Variants in RASAL2 observed in about 807,000 individuals in gnomAD.
RASAL2 encodes RAS protein activator like 2.
Under a neutral mutation model 128.9 loss-of-function variants are expected in RASAL2, and 58 were observed. The ratio of observed to expected loss-of-function variants is 0.45; its 90% CI spans 0.36 to 0.56. The LOEUF (loss-of-function observed/expected upper bound fraction) is 0.56. RASAL2 is among the 20% of genes least tolerant of loss of function. RASAL2 has a pLI of 0.00. For missense variants in RASAL2, 1,360 were observed against 1,601.6 expected, an observed-to-expected ratio of 0.85 and a Z score of 2.57; for synonymous variants, 561 against 580.8, an observed-to-expected ratio of 0.97 and a Z score of 0.49.
chr1:178,429,238 A>G (rs1417045505), intron 5 of RASAL2, among the ~76,000 whole-genome samples: 2 of 151,864 alleles, frequency 1.3e-5, no homozygotes, highest in Non-Finnish European at 2.9e-5. Context: ...TGCCCTAACA[A>G]CCTCTAGGAC....
intron 1 of RASAL2, among the ~76,000 whole-genome samples, chr1:178,202,251 A>T (rs961779153): frequency 1.3e-5 from 2 of 152,186 alleles, no homozygotes; most frequent in Non-Finnish European, 2.9e-5. Context: ...TGAAGGCACA[A>T]GTAAGTTACA....
chr1:178,098,040 T>A (rs1362738251), intron 1 of RASAL2, among the ~76,000 whole-genome samples: 8 of 152,246 alleles, frequency 5.3e-5, no homozygotes, highest in Non-Finnish European at 1.5e-5. Flanking sequence ...TCTGTCCTAA[T>A]CTTCATTTCC....
intron 1 of RASAL2, among the ~76,000 whole-genome samples, chr1:178,105,829 C>G (rs112490502): frequency 0.013 from 2,048 of 152,002 alleles, 47 homozygotes; most frequent in African/African-American, 0.046. Flanking sequence ...TGCACCACTG[C>G]GCCCAGCTAG....
intron 1 of RASAL2, among the ~76,000 whole-genome samples, chr1:178,253,203 C>CA (rs1235104963): frequency 3.9e-5 from 6 of 152,090 alleles, no homozygotes; most frequent in Non-Finnish European, 7.4e-5. Context: ...TCTCCGGTGT[C>CA]ACATGGCTGC....
intron 1 of RASAL2, among the ~76,000 whole-genome samples, chr1:178,226,712 C>T (rs190753996): frequency 4.6e-5 from 7 of 152,192 alleles, no homozygotes; most frequent in Admixed American, 6.5e-5. Flanking sequence ...TTTGGGCGGC[C>T]GAGGCAGGCA....
intron 1 of RASAL2, among the ~76,000 whole-genome samples, chr1:178,107,103 A>G (rs530510263): frequency 1.3e-5 from 2 of 152,248 alleles, no homozygotes; most frequent in Admixed American, 6.5e-5. Context: ...ATTAAACATG[A>G]TAAGTCATTT....
intron 3 of RASAL2, among the ~76,000 whole-genome samples, chr1:178,349,153 G>A (rs1275427375): frequency 2.6e-5 from 4 of 151,072 alleles, no homozygotes; most frequent in South Asian, 2.1e-4. Context: ...GGACGCCGTG[G>A]CTCACGCCTG....
At chr1:178,212,587 G>A (rs938923360) in intron 1 of RASAL2, among the ~76,000 whole-genome samples, 7 of 152,082 alleles carry the variant, frequency 4.6e-5, no homozygotes, top group African/African-American at 1.7e-4. Context: ...CGCCTCCTGG[G>A]TTCAAGCCAT....
At chr1:178,449,711 TA>T (rs1196947066) in intron 9 of RASAL2, among the ~76,000 whole-genome samples, 1 of 152,124 alleles carries the variant, frequency 6.6e-6, no homozygotes, top group Admixed American at 6.6e-5. Context: ...TTTCAACAGT[TA>T]AAGTATTATT....
chr1:178,371,353 A>ACACACACAC (rs59882717), intron 3 of RASAL2, among the ~76,000 whole-genome samples: 2 of 109,690 alleles, frequency 1.8e-5, no homozygotes, highest in Admixed American at 1.7e-4. Context: ...CACACACACA[A>ACACACACAC]ATACACACAC....
chr1:178,251,173 T>C (rs1665036917), intron 1 of RASAL2, among the ~76,000 whole-genome samples: 1 of 152,158 alleles, frequency 6.6e-6, no homozygotes, highest in African/African-American at 2.4e-5. Context: ...AATCTAGCCA[T>C]CTAAAGCTAG....
At chr1:178,095,817 A>G (rs1247634758) in intron 1 of RASAL2, among the ~76,000 whole-genome samples, 3 of 152,160 alleles carry the variant, frequency 2.0e-5, no homozygotes, top group African/African-American at 7.2e-5. Flanking sequence ...CTACCACTAA[A>G]TGGCTATGGG....
In RASAL2 at chr1:178,196,342, A is replaced by T. The variant is rs143832428; in HGVS notation, c.203-87222A>T. Among the ~76,000 whole-genome samples the T allele has an allele frequency of 3.3e-3, 505 of 152,330 alleles. 4 individuals are homozygous for T. The highest frequency in any genetic ancestry group is 0.012 in the African/African-American group (489 of 41,580). On this transcript the variant is annotated intron_variant, in intron 1 of 17. Transcript: ENST00000367649. ...AGGTACAAAGTGAGAAGATATTTGC[A>T]ACATGTAAAACAAAAGATTAAAATT...
chr1:178,360,763 G>A (rs1438499629), intron 3 of RASAL2, among the ~76,000 whole-genome samples: 1 of 152,220 alleles, frequency 6.6e-6, no homozygotes, highest in Non-Finnish European at 1.5e-5. Flanking sequence ...TCTGAGGGCT[G>A]TGAGAACGAA....
chr1:178,472,195 T>C (rs1034256473), intron 17 of RASAL2, among the ~76,000 whole-genome samples: 2 of 152,252 alleles, frequency 1.3e-5, no homozygotes, highest in African/African-American at 4.8e-5. Context: ...AAAAAAATTT[T>C]AGATAGTCCT....
rs569755524 is a variant in RASAL2 at position 178,228,315 on chromosome 1, C to T, written c.203-55249C>T. 7.9e-5 allele frequency among the ~76,000 whole-genome samples: 12 copies of T among 152,246 alleles called. No homozygotes were observed. The East Asian group carries it at 2.3e-3, about 29-fold the overall frequency. ...AAAAATTGTGGGCCGGGTGCGGTGGCTTATGCCTGTAATCCCAGCACTTTA... is the reference window on the plus strand; with the variant it reads ...AAAAATTGTGGGCCGGGTGCGGTGGTTTATGCCTGTAATCCCAGCACTTTA... On this transcript the variant is annotated intron_variant, in intron 1 of 17. Coordinates refer to ENST00000367649, the MANE Select transcript of RASAL2 (RefSeq NM_170692.4).
intron 1 of RASAL2, among the ~76,000 whole-genome samples, chr1:178,118,870 G>A (rs199687187): frequency 7.2e-6 from 1 of 138,070 alleles, no homozygotes; most frequent in Non-Finnish European, 1.6e-5. Flanking sequence ...TTTTTTTTTT[G>A]TTTGTTTGTT....
chr1:178,169,608 C>T (rs995637656), intron 1 of RASAL2, among the ~76,000 whole-genome samples: 2 of 151,948 alleles, frequency 1.3e-5, no homozygotes, highest in African/African-American at 2.4e-5. Context: ...ACTTGTGTCA[C>T]GTTTATTAAT....
chr1:178,337,857 G>A (rs1042436961), intron 3 of RASAL2, among the ~76,000 whole-genome samples: 6 of 150,490 alleles, frequency 4.0e-5, no homozygotes, highest in East Asian at 2.0e-4. Flanking sequence ...TCAACCTCCC[G>A]AGTAGCCGAG....
Sources: gnomAD v4.1 joint callset for allele counts (sites outside exome capture counted in the v4.1 genomes callset) on GRCh38, gnomAD v4.1.1 for gene constraint, MANE v1.5 for transcripts, NCBI Gene and HGNC (gene_info 2026-07-23, HGNC 2026-07-21) for gene names.